The following EFNA5 variants were observed in gnomAD, a reference collection of about 807,000 sequenced individuals.
EFNA5 encodes ephrin A5, also known as ephrin-A5.
In EFNA5, 5 loss-of-function variants were observed where a neutral mutation model predicts 22.9. The observed-to-expected ratio is 0.22, with a 90% CI of 0.11 to 0.46. The LOEUF is 0.46. EFNA5 is among the 20% of genes least tolerant of loss of function. The pLI, the probability that EFNA5 is intolerant of heterozygous loss-of-function variation, is 0.99. For synonymous variants in EFNA5, 113 were observed against 112.2 expected, an observed-to-expected ratio of 1.01 and a Z score of -0.04; for missense variants, 237 against 293.3, an observed-to-expected ratio of 0.81 and a Z score of 1.40.
At chr5:107,569,333 A>G (rs1054264647) in intron 1 of EFNA5, among the ~76,000 whole-genome samples, 7 of 148,752 alleles carry the variant, frequency 4.7e-5, no homozygotes, top group African/African-American at 1.7e-4. Flanking sequence ...ATTAATAGAA[A>G]GGACTGCAGA....
intron 1 of EFNA5, among the ~76,000 whole-genome samples, chr5:107,524,014 A>C (rs1183764182): frequency 6.6e-6 from 1 of 152,208 alleles, no homozygotes; most frequent in East Asian, 1.9e-4. Context: ...CAATTAATAG[A>C]TTCCTTTTTA....
intron 1 of EFNA5, among the ~76,000 whole-genome samples, chr5:107,469,898 T>C (rs1420977304): frequency 5.3e-5 from 8 of 152,208 alleles, no homozygotes; most frequent in Admixed American, 6.5e-5. Flanking sequence ...TTATTCTCTT[T>C]AACAACTCTT....
At chr5:107,595,481 AT>A (rs10718791) in intron 1 of EFNA5, among the ~76,000 whole-genome samples, 77,358 of 151,888 alleles carry the variant, frequency 0.51, 21,462 homozygotes, top group African/African-American at 0.71. Context: ...ATATCACCAC[AT>A]TTTTTTACAT....
intron 1 of EFNA5, among the ~76,000 whole-genome samples, chr5:107,470,167 C>T (rs1309546000): frequency 1.3e-5 from 2 of 152,146 alleles, no homozygotes; most frequent in Admixed American, 6.5e-5. Context: ...CTGTAATAAC[C>T]CTGTAAGTGC....
At chr5:107,526,009 T>C (rs1188389467) in intron 1 of EFNA5, among the ~76,000 whole-genome samples, 1 of 152,212 alleles carries the variant, frequency 6.6e-6, no homozygotes, top group African/African-American at 2.4e-5. Flanking sequence ...AAGATATTTA[T>C]GATGGATACG....
intron 1 of EFNA5, among the ~76,000 whole-genome samples, chr5:107,649,214 T>C (rs1235224283): frequency 6.6e-6 from 1 of 152,192 alleles, no homozygotes; most frequent in Non-Finnish European, 1.5e-5. Context: ...AATCGATGAC[T>C]TGATTAAGGT....
intron 1 of EFNA5, among the ~76,000 whole-genome samples, chr5:107,534,676 C>T (rs1481832062): frequency 6.6e-6 from 1 of 152,150 alleles, no homozygotes; most frequent in Non-Finnish European, 1.5e-5. Flanking sequence ...AAGTGCCAAA[C>T]CTTAACCTCA....
chr5:107,558,522 T>C (rs1409059346), intron 1 of EFNA5, among the ~76,000 whole-genome samples: 1 of 152,212 alleles, frequency 6.6e-6, no homozygotes, highest in Non-Finnish European at 1.5e-5. Flanking sequence ...AGAGTCAATA[T>C]AATTCCTATT....
rs891021401 is a variant in EFNA5, at chr5:107,478,467, G to A, written c.126-50958C>T. On this transcript the variant is annotated intron_variant, in intron 1 of 4. Transcript: ENST00000333274. Reference sequence around the variant, plus strand: ...TTCAGAAGATATCTACACAGATGTCGGGAGAGCACACACGCAAACACACAG... The same window carrying A: ...TTCAGAAGATATCTACACAGATGTCAGGAGAGCACACACGCAAACACACAG... Among the ~76,000 whole-genome samples, 12 of 152,256 alleles carry A rather than the reference G, an allele frequency of 7.9e-5. No individual in the cohort carries two copies. In the East Asian group the frequency reaches 2.3e-3, roughly 29 times the overall value.
At chr5:107,492,981 A>G (rs1236971476) in intron 1 of EFNA5, among the ~76,000 whole-genome samples, 2 of 148,596 alleles carry the variant, frequency 1.3e-5, no homozygotes, top group Non-Finnish European at 3.0e-5. Flanking sequence ...CTGGGGACAG[A>G]GACTCCATCT....
chr5:107,515,217 T>C (rs1361657649), intron 1 of EFNA5, among the ~76,000 whole-genome samples: 1 of 149,930 alleles, frequency 6.7e-6, no homozygotes, highest in African/African-American at 2.5e-5. Flanking sequence ...TTGTATTTTT[T>C]AGTAGAGATG....
At chr5:107,658,537 G>C (rs550135865) in intron 1 of EFNA5, among the ~76,000 whole-genome samples, 1 of 152,232 alleles carries the variant, frequency 6.6e-6, no homozygotes, top group African/African-American at 2.4e-5. Context: ...GGCATTCTGG[G>C]CTTCTTAAAT....
At chr5:107,648,895 T>C (rs1340020891) in intron 1 of EFNA5, among the ~76,000 whole-genome samples, 1 of 152,196 alleles carries the variant, frequency 6.6e-6, no homozygotes, top group Non-Finnish European at 1.5e-5. Flanking sequence ...AATATGTATG[T>C]ATTAGTTCCT....
At chr5:107,508,655 TTAAA>T (rs1747299816) in intron 1 of EFNA5, among the ~76,000 whole-genome samples, 1 of 152,182 alleles carries the variant, frequency 6.6e-6, no homozygotes, top group Non-Finnish European at 1.5e-5. Flanking sequence ...ATAATCTTAA[TTAAA>T]TAGACTTCTA....
chr5:107,669,028 T>C (rs1354890206), intron 1 of EFNA5, among the ~76,000 whole-genome samples: 1 of 152,114 alleles, frequency 6.6e-6, no homozygotes, highest in East Asian at 1.9e-4. Context: ...TGAGTAAGAC[T>C]ATCTTGGACT....
At chr5:107,400,994 A>G (rs1335364625) in intron 2 of EFNA5, among the ~76,000 whole-genome samples, 1 of 152,222 alleles carries the variant, frequency 6.6e-6, no homozygotes, top group Non-Finnish European at 1.5e-5. Flanking sequence ...TTGATAAATT[A>G]CAATTATAAC....
intron 2 of EFNA5, among the ~76,000 whole-genome samples, chr5:107,414,456 T>C (rs1328946801): frequency 6.6e-6 from 1 of 152,186 alleles, no homozygotes; most frequent in Non-Finnish European, 1.5e-5. Context: ...ACAAAAATCA[T>C]ATTGAATACT....
rs1350745492 is a variant in EFNA5 at position 107,640,819 on chromosome 5, A to G, written c.125+29670T>C. ...GAAAGACAAATGAGAATGCTGCCAC[A>G]TGCAAGGTCAATCACAAACAACCTG... On this transcript the variant is annotated intron_variant, in intron 1 of 4. Transcript: ENST00000333274. Among the ~76,000 whole-genome samples, 4 of 152,328 alleles carry G rather than the reference A, an allele frequency of 2.6e-5. No homozygotes were observed. The South Asian group carries it at 8.3e-4, about 32-fold the overall frequency.
At chr5:107,411,210 TTTGAACTATTC>T (rs1733840491) in intron 2 of EFNA5, among the ~76,000 whole-genome samples, 1 of 152,212 alleles carries the variant, frequency 6.6e-6, no homozygotes, top group African/African-American at 2.4e-5. Context: ...TTCTCTTTGT[TTTGAACTATTC>T]CACATATTCT....
Sources: gnomAD v4.1 joint callset for allele counts (sites outside exome capture counted in the v4.1 genomes callset) on GRCh38, gnomAD v4.1.1 for gene constraint, MANE v1.5 for transcripts, NCBI Gene and HGNC (gene_info 2026-07-23, HGNC 2026-07-21) for gene names.